ASXL3: variants seen among roughly 807,000 people sequenced by gnomAD.
ASXL3 encodes the protein putative Polycomb group protein ASXL3.
Under a neutral mutation model 170.6 loss-of-function variants are expected in ASXL3, and 34 were observed. The ratio of observed to expected loss-of-function variants is 0.20; its 90% CI spans 0.15 to 0.27. The LOEUF is 0.27. Among genes scored for constraint, ASXL3 ranks in the 10% least tolerant of loss-of-function variants. The probability of loss-of-function intolerance (pLI) is 1.00; values close to 1 mark genes in which losing one functional copy is unlikely to be tolerated. For synonymous variants in ASXL3, 1,002 were observed against 989.1 expected, an observed-to-expected ratio of 1.01 and a Z score of -0.24; for missense variants, 2,592 against 2,695.3, an observed-to-expected ratio of 0.96 and a Z score of 0.85.
At chr18:33,695,087 G>A (rs962900166) in intron 8 of ASXL3, among the ~76,000 whole-genome samples, 2 of 152,094 alleles carry the variant, frequency 1.3e-5, no homozygotes, top group African/African-American at 4.8e-5. Context: ...ATTGCTCTAT[G>A]TACTGAATAT....
At chr18:33,731,775 C>G (rs79532446) in intron 8 of ASXL3, among the ~76,000 whole-genome samples, 193 bp from the exon 9 acceptor site, 1 of 152,180 alleles carries the variant, frequency 6.6e-6, no homozygotes, top group African/African-American at 2.4e-5. Context: ...CTTTCCTCTC[C>G]GCCTCCTACC....
At chr18:33,721,484 G>A (rs1277763718) in intron 8 of ASXL3, among the ~76,000 whole-genome samples, 1 of 151,998 alleles carries the variant, frequency 6.6e-6, no homozygotes, top group Non-Finnish European at 1.5e-5. Context: ...TATATGTTTA[G>A]ATGGATATAG....
chr18:33,725,240 T>A, intron 8 of ASXL3, among the ~76,000 whole-genome samples: 1 of 152,112 alleles, frequency 6.6e-6, no homozygotes, highest in African/African-American at 2.4e-5. Flanking sequence ...TTGTCTTTGC[T>A]CTAAAGATCC....
chr18:33,687,298 T>G (rs1404896979), intron 8 of ASXL3, among the ~76,000 whole-genome samples: 8 of 152,288 alleles, frequency 5.3e-5, no homozygotes, highest in Admixed American at 2.0e-4. Context: ...TTAGTCTAGC[T>G]TATTGCAAAT....
intron 8 of ASXL3, among the ~76,000 whole-genome samples, chr18:33,710,844 A>G (rs951822754): frequency 2.0e-5 from 3 of 152,146 alleles, no homozygotes; most frequent in African/African-American, 7.2e-5. Flanking sequence ...TTAAACTTCT[A>G]ATTTTATTTC....
intron 8 of ASXL3, among the ~76,000 whole-genome samples, chr18:33,727,886 G>A (rs779864917): frequency 6.6e-6 from 1 of 151,964 alleles, no homozygotes; most frequent in African/African-American, 2.4e-5. Flanking sequence ...TACAGCCTGG[G>A]GATCTGGCAG....
intron 4 of ASXL3, among the ~76,000 whole-genome samples, chr18:33,657,412 A>G (rs972154285): frequency 2.6e-5 from 4 of 152,066 alleles, no homozygotes; most frequent in Non-Finnish European, 4.4e-5. Context: ...TCCTTTCTGT[A>G]TATCCTGGGT....
intron 2 of ASXL3, among the ~76,000 whole-genome samples, chr18:33,615,885 C>T (rs1356537366): frequency 1.3e-5 from 2 of 151,872 alleles, no homozygotes; most frequent in African/African-American, 4.8e-5. Flanking sequence ...CTAATCTGGC[C>T]GTTTTTATAT....
rs866241318 is a variant in ASXL3, at chr18:33,644,992, A to G, written c.236A>G (p.Tyr79Cys). 5.2e-6 allele frequency: 8 copies of G among 1,546,348 alleles called. No individual in the cohort carries two copies. The highest frequency in any genetic ancestry group is 1.2e-5 in the South Asian group (1 of 84,416). The change falls in exon 3 of 12, where the codon TAT becomes TGT. Residue 79 changes from tyrosine to cysteine, a missense_variant. Physicochemically the swap from Tyr to Cys is radical, Grantham distance 194. Around this residue, in one of 4 missense-constraint regions of ASXL3, gnomAD observed 251 missense variants for 281.9 expected, o/e 0.89. Coordinates refer to ENST00000269197, the MANE Select transcript of ASXL3 (RefSeq NM_030632.3). The stretch of plus-strand genomic sequence containing the variant: ...AAAATCCCTGGAAAGTCAGGCCTCT[A>G]TGCTCTCAAAGTAAGTTGCATTGTT... ...FFKIPGKSGL[Y>C]ALKKEESSCP... is the part of the protein sequence containing the mutation.
At chr18:33,650,227 C>T (rs1461806175) in intron 4 of ASXL3, among the ~76,000 whole-genome samples, 1 of 151,918 alleles carries the variant, frequency 6.6e-6, no homozygotes, top group Admixed American at 6.6e-5. Context: ...GGAGAGTAAC[C>T]AAGAGTTGGC....
chr18:33,672,944 A>T, intron 7 of ASXL3, among the ~76,000 whole-genome samples: 1 of 152,292 alleles, frequency 6.6e-6, no homozygotes, highest in South Asian at 2.1e-4. Context: ...AAGTCTTTAA[A>T]TATAGCATAC....
chr18:33,713,341 A>ACCCCAC (rs2067110104), intron 8 of ASXL3, among the ~76,000 whole-genome samples: 1 of 56,056 alleles, frequency 1.8e-5, no homozygotes, highest in Non-Finnish European at 3.2e-5. Flanking sequence ...TGCAACCTCC[A>ACCCCAC]CCCCCCCCCG....
In ASXL3 at chr18:33,743,071, G is replaced by A; in HGVS notation, c.3223G>A (p.Ala1075Thr). The change falls in exon 12 of 12, where the codon GCT becomes ACT. Residue 1075 changes from alanine to threonine, a missense_variant. By Grantham distance (58) the Ala-to-Thr change is moderately conservative. This residue lies in a region of ASXL3 where 2,246 missense variants were observed against 2,219.6 expected (regional missense o/e 1.01). Transcript: ENST00000269197. Reference sequence around the variant, plus strand: ...CCAGCGAGAGGCTGCTGCAGCTGCTGCTGTGGCTGCTGCAGCGAGCATTGT... The same window carrying A: ...CCAGCGAGAGGCTGCTGCAGCTGCTACTGTGGCTGCTGCAGCGAGCATTGT... ...RAQREAAAAAAVAAAASIVSG... is the reference protein window; with the variant it reads ...RAQREAAAAATVAAAASIVSG... The A allele has an allele frequency of 6.2e-7, 1 of 1,612,558 alleles. No individual in the cohort carries two copies. The highest frequency in any genetic ancestry group is 8.5e-7 in the Non-Finnish European group (1 of 1,179,662).
chr18:33,637,916 T>A (rs2065792819), intron 2 of ASXL3, among the ~76,000 whole-genome samples: 1 of 152,256 alleles, frequency 6.6e-6, no homozygotes. Context: ...TTCAGAAAAT[T>A]TAGTTCAGCT....
At chr18:33,607,742 G>T (rs4799350) in intron 2 of ASXL3, 66 bp downstream of exon 2, 2 of 1,199,918 alleles carry the variant, frequency 1.7e-6, no homozygotes, top group Non-Finnish European at 1.2e-6. Flanking sequence ...GTTGCTAAGC[G>T]ATAGGTGTAT....
At chr18:33,641,664 T>G (rs1347152260) in intron 2 of ASXL3, among the ~76,000 whole-genome samples, 1 of 152,048 alleles carries the variant, frequency 6.6e-6, no homozygotes, top group South Asian at 2.1e-4. Flanking sequence ...GCAGCCAAAT[T>G]TGGCTTTGGT....
rs756764033 is a variant in ASXL3 at position 33,683,385 on chromosome 18, C to T, written c.716-20C>T. On this transcript the variant is annotated intron_variant, in intron 7 of 11. Transcript: ENST00000269197. ...CCCTCTACCTGTAGTAAATTCATGC[C>T]TCTTGCTTGTTCATCACAGGGCACT... is the stretch of plus-strand genomic sequence containing the variant. The T allele has an allele frequency of 6.2e-7, 1 of 1,601,552 alleles. No homozygotes were observed. The highest frequency in any genetic ancestry group is 1.7e-5 in the Admixed American group (1 of 58,420).
chr18:33,629,228 A>G (rs1387515198), intron 2 of ASXL3, among the ~76,000 whole-genome samples: 1 of 152,094 alleles, frequency 6.6e-6, no homozygotes, highest in East Asian at 1.9e-4. Flanking sequence ...TTCCTGACTT[A>G]GCTTTAGTGA....
rs528993732 is a variant in ASXL3 at position 33,659,994 on chromosome 18, C to T, written c.356-1622C>T. On this transcript the variant is annotated intron_variant, in intron 4 of 11. Coordinates refer to ENST00000269197, the MANE Select transcript of ASXL3 (RefSeq NM_030632.3). ...AACTTCTAGTTTCAGTATCATGCAA[C>T]TAAATTATGCTTCTTTAGATATGAT... Among the ~76,000 whole-genome samples the T allele has an allele frequency of 2.3e-4, 35 of 152,170 alleles. No homozygotes were observed. In the South Asian group the frequency reaches 6.9e-3, roughly 30 times the overall value.
Sources: gnomAD v4.1 joint callset for allele counts (sites outside exome capture counted in the v4.1 genomes callset) on GRCh38, gnomAD v4.1.1 for gene constraint, gnomAD v4.1.1 regional missense constraint, MANE v1.5 for transcripts, NCBI Gene and HGNC (gene_info 2026-07-23, HGNC 2026-07-21) for gene names.